TTLL5: variants seen among roughly 807,000 people sequenced by gnomAD.
TTLL5 encodes tubulin tyrosine ligase like 5.
A neutral mutation model predicts 168.4 loss-of-function variants in TTLL5; 132 were observed. The observed-to-expected ratio is 0.78, with a 90% CI of 0.68 to 0.91. The LOEUF (loss-of-function observed/expected upper bound fraction) is 0.91, where lower values mean the gene tolerates loss of function less well. TTLL5 is among the 40% of genes least tolerant of loss of function. The pLI is 0.00. For synonymous variants in TTLL5, 546 were observed against 558.6 expected (o/e 0.98, Z 0.32); for missense variants, 1,545 against 1,581.5 (o/e 0.98, Z 0.39).
At chr14:75,890,326 G>A (rs2032339072) in intron 30 of TTLL5, among the ~76,000 whole-genome samples, 1 of 152,192 alleles carries the variant, frequency 6.6e-6, no homozygotes, top group Admixed American at 6.5e-5. Context: ...AAAGTGAAAA[G>A]CAAGCAGTAA....
At chr14:75,896,695 C>T (rs953709936) in intron 30 of TTLL5, among the ~76,000 whole-genome samples, 2 of 152,072 alleles carry the variant, frequency 1.3e-5, no homozygotes, top group Non-Finnish European at 2.9e-5. Context: ...ATGAACAAAA[C>T]AGACCTTAAA....
At position 75,932,897 on chromosome 14, in the gene TTLL5, A is replaced by G. The variant is rs369579946; in HGVS notation, c.3824-21527A>G. ...TTGGTGTTGTTTTTTGTTTATTACT[A>G]TCAAGTGACACCTAGAACGATCTCA... On this transcript the variant is annotated intron_variant, in intron 31 of 31. Coordinates refer to ENST00000298832, the MANE Select transcript of TTLL5 (RefSeq NM_015072.5). 5.9e-5 allele frequency among the ~76,000 whole-genome samples: 9 copies of G among 152,288 alleles called. 1 individual carries two copies. The South Asian group carries it at 1.9e-3, about 32-fold the overall frequency.
At chr14:75,855,738 T>C (rs1247495201) in intron 28 of TTLL5, among the ~76,000 whole-genome samples, 3 of 152,208 alleles carry the variant, frequency 2.0e-5, no homozygotes, top group African/African-American at 7.2e-5. Context: ...AGAACTGATC[T>C]GAGCTGCAGC....
At chr14:75,837,628 A>C (rs1167257433) in intron 28 of TTLL5, among the ~76,000 whole-genome samples, 1 of 151,956 alleles carries the variant, frequency 6.6e-6, no homozygotes, top group East Asian at 1.9e-4. Context: ...CCTGGACACT[A>C]CTGTGGTATT....
At chr14:75,762,565 C>T (rs1482901750) in intron 18 of TTLL5, among the ~76,000 whole-genome samples, 1 of 152,156 alleles carries the variant, frequency 6.6e-6, no homozygotes. Context: ...TGATACAAGA[C>T]AAACATGGTC....
chr14:75,861,495 C>T lies in TTLL5; in HGVS notation c.3327-2172C>T, dbSNP rs533319246. On this transcript the variant is annotated intron_variant, in intron 28 of 31. Coordinates refer to ENST00000298832, the MANE Select transcript of TTLL5 (RefSeq NM_015072.5). ...ACCCTATGTGGCTTTTAGGTGAGGACTCTGGAAGGTCTGTGTAGCCTCACT... is the reference window on the plus strand; with the variant it reads ...ACCCTATGTGGCTTTTAGGTGAGGATTCTGGAAGGTCTGTGTAGCCTCACT... 2.0e-5 allele frequency among the ~76,000 whole-genome samples: 3 copies of T among 152,306 alleles called. No homozygotes were observed. In the South Asian group the frequency reaches 6.2e-4, roughly 32 times the overall value.
intron 18 of TTLL5, among the ~76,000 whole-genome samples, chr14:75,763,118 T>TA (rs543149911): frequency 2.0e-5 from 3 of 151,506 alleles, no homozygotes; most frequent in East Asian, 3.9e-4. Context: ...TGACCAAGTT[T>TA]AAAAAAAAAT....
At chr14:75,758,368 A>G (rs1298874968) in intron 18 of TTLL5, among the ~76,000 whole-genome samples, 1 of 152,236 alleles carries the variant, frequency 6.6e-6, no homozygotes, top group East Asian at 1.9e-4. Flanking sequence ...TAGTTAAGGG[A>G]AAACTGAGAT....
chr14:75,851,127 A>G (rs916780754), intron 28 of TTLL5, among the ~76,000 whole-genome samples: 2 of 151,550 alleles, frequency 1.3e-5, no homozygotes, highest in African/African-American at 4.9e-5. Flanking sequence ...AGTTAATGGA[A>G]TAAGAACTGC....
At chr14:75,741,041 T>G (rs1324642449) in intron 15 of TTLL5, among the ~76,000 whole-genome samples, 1 of 152,174 alleles carries the variant, frequency 6.6e-6, no homozygotes, top group Non-Finnish European at 1.5e-5. Flanking sequence ...AGGCTGAGAG[T>G]CATTTTCTGA....
chr14:75,771,653 G>C (rs1891325433), intron 20 of TTLL5, 81 bp from the exon 21 acceptor site: 1 of 1,579,340 alleles, frequency 6.3e-7, no homozygotes, highest in African/African-American at 1.4e-5. Flanking sequence ...ATCCTCAAAG[G>C]CCACTTGGAG....
intron 15 of TTLL5, among the ~76,000 whole-genome samples, chr14:75,743,731 G>A (rs12892297): frequency 4.6e-5 from 7 of 151,756 alleles, no homozygotes; most frequent in South Asian, 2.1e-4. Flanking sequence ...ACAGGTGCCC[G>A]CCACCACGCC....
At chr14:75,929,042 C>T (rs2034184417) in intron 31 of TTLL5, among the ~76,000 whole-genome samples, 1 of 139,232 alleles carries the variant, frequency 7.2e-6, no homozygotes, top group East Asian at 2.4e-4. Flanking sequence ...GAGCAGCTGA[C>T]ATACTTCCAG....
At chr14:75,663,303 A>G in intron 2 of TTLL5, 80 bp downstream of exon 2, 9 of 1,324,478 alleles carry the variant, frequency 6.8e-6, no homozygotes, top group Non-Finnish European at 9.5e-6. Context: ...TTTACTATAT[A>G]CTCTTCTCTT....
At chr14:75,887,378 C>T in intron 30 of TTLL5, 1 of 966,412 alleles carries the variant, frequency 1.0e-6, no homozygotes. Flanking sequence ...TAATAATTGT[C>T]CAAAAGTTCT....
chr14:75,827,169 T>G (rs1039306558), intron 28 of TTLL5, among the ~76,000 whole-genome samples: 1 of 152,226 alleles, frequency 6.6e-6, no homozygotes, highest in Non-Finnish European at 1.5e-5. Flanking sequence ...TAGCTAAGTC[T>G]TAGTTCCCTT....
chr14:75,877,116 A>C (rs534625631), intron 29 of TTLL5, among the ~76,000 whole-genome samples: 2 of 152,316 alleles, frequency 1.3e-5, no homozygotes, highest in Non-Finnish European at 2.9e-5. Context: ...ACAAAGAGAC[A>C]TTAACCTACT....
intron 5 of TTLL5, among the ~76,000 whole-genome samples, chr14:75,686,865 TTA>T (rs766052366): frequency 6.6e-6 from 1 of 152,182 alleles, no homozygotes; most frequent in Non-Finnish European, 1.5e-5. Flanking sequence ...TTTTATGCTA[TTA>T]GAGAATCATG....
At position 75,676,230 on chromosome 14, in the gene TTLL5, A is replaced by G. The variant is rs1884142305; in HGVS notation, c.182-5315A>G. ...ACATCCTCACAGACACCTATAAATG[A>G]CATTTAACCAGGTATCTGGGCATCC... is the stretch of plus-strand genomic sequence containing the variant. On this transcript the variant is annotated intron_variant, in intron 3 of 31. Transcript: ENST00000298832. 5.9e-5 allele frequency among the ~76,000 whole-genome samples: 9 copies of G among 152,316 alleles called. No homozygotes were observed. In the South Asian group the frequency reaches 1.9e-3, roughly 32 times the overall value.
Sources: allele counts gnomAD v4.1 joint callset (sites outside exome capture counted in the v4.1 genomes callset), GRCh38; gene constraint gnomAD v4.1.1; transcripts MANE v1.5; gene names NCBI Gene and HGNC (gene_info 2026-07-23, HGNC 2026-07-21).